The following E2F8 variants were observed in gnomAD, a reference collection of about 807,000 sequenced individuals.
E2F8 encodes the protein E2F transcription factor 8, also known as transcription factor E2F8.
In E2F8, 35 loss-of-function variants were observed where a neutral mutation model predicts 80.8. The observed-to-expected ratio is 0.43, with a 90% confidence interval of 0.33 to 0.57. The LOEUF is 0.57. Among genes scored for constraint, E2F8 ranks in the 20% least tolerant of loss-of-function variants. The pLI, the probability that E2F8 is intolerant of heterozygous loss-of-function variation, is 0.04. For synonymous variants in E2F8, 386 were observed against 395.0 expected, an observed-to-expected ratio of 0.98 and a Z score of 0.27; for missense variants, 975 against 1,056.2, an observed-to-expected ratio of 0.92 and a Z score of 1.07.
At chr11:19,235,414 C>T (rs1009088176) in intron 4 of E2F8, among the ~76,000 whole-genome samples, 1 of 152,072 alleles carries the variant, frequency 6.6e-6, no homozygotes, top group East Asian at 1.9e-4. Flanking sequence ...CTTGGGAGGC[C>T]GAGGAGGGCG....
intron 2 of E2F8, 105 bp from the exon 3 acceptor site, chr11:19,238,237 A>G: frequency 8.6e-7 from 1 of 1,164,728 alleles, no homozygotes; most frequent in Middle Eastern, 2.1e-4. Flanking sequence ...CAAGGAAAAA[A>G]TGTCTAATGA....
chr11:19,239,527 G>T (rs1851606572), intron 2 of E2F8, among the ~76,000 whole-genome samples: 1 of 151,878 alleles, frequency 6.6e-6, no homozygotes, highest in African/African-American at 2.4e-5. Flanking sequence ...CAAAATGTTT[G>T]CCCCCTAAAC....
intron 4 of E2F8, 108 bp from the exon 5 acceptor site, chr11:19,235,166 T>G (rs1427625305): frequency 1.0e-6 from 1 of 1,000,378 alleles, no homozygotes. Context: ...ATAATATCAC[T>G]TTCCTAACTG....
Position 19,234,552 on chromosome 11 carries a change from A to G in E2F8, c.767-31T>C. ...GAGAAGGATGAGGATTAGAGAATTAAAATTCATAAAGGGACAAGTGACTTC... is the reference window on the plus strand; with the variant it reads ...GAGAAGGATGAGGATTAGAGAATTAGAATTCATAAAGGGACAAGTGACTTC... On this transcript the variant is annotated intron_variant, in intron 5 of 12. Transcript: ENST00000250024. The G allele has an allele frequency of 1.2e-6, 2 of 1,605,000 alleles. 1 individual carries two copies. The highest frequency in any genetic ancestry group is 2.2e-5 in the South Asian group (2 of 89,074).
At chr11:19,234,612 C>A in intron 5 of E2F8, 91 bp from the exon 6 acceptor site, 1 of 1,550,866 alleles carries the variant, frequency 6.4e-7, no homozygotes, top group South Asian at 1.2e-5. Context: ...ACCACCTGAT[C>A]ATACAGCTGA....
Position 19,225,875 on chromosome 11 carries a change from A to T in E2F8, c.1894-11T>A. ...TGATGGGAACAAGGTCTAGAAAACA[A>T]GGAGGAAGGGTTTATTTTACACACA... On this transcript the variant is annotated splice_polypyrimidine_tract_variant and intron_variant, in intron 10 of 12. Coordinates refer to ENST00000250024, the MANE Select transcript of E2F8 (RefSeq NM_024680.4). 2 of 1,611,540 alleles carry T rather than the reference A, an allele frequency of 1.2e-6. No individual in the cohort carries two copies. The highest frequency in any genetic ancestry group is 1.7e-6 in the Non-Finnish European group (2 of 1,179,016).
In E2F8 at chr11:19,234,537, A is replaced by C. The variant is rs1400924895; in HGVS notation, c.767-16T>G. ...TTTACAGAAGCTTTAGAGAAGGATG[A>C]GGATTAGAGAATTAAAATTCATAAA... On this transcript the variant is annotated splice_polypyrimidine_tract_variant and intron_variant, in intron 5 of 12. Transcript: ENST00000250024. 1.2e-6 allele frequency: 2 copies of C among 1,606,108 alleles called. No homozygotes were observed. The highest frequency in any genetic ancestry group is 2.2e-5 in the East Asian group (1 of 44,852).
In E2F8 at chr11:19,229,765, T is replaced by G; in HGVS notation, c.1582A>C (p.Thr528Pro). 6.2e-7 allele frequency: 1 copy of G among 1,613,912 alleles called. No individual in the cohort carries two copies. The change falls in exon 10 of 13, where the codon ACT becomes CCT. Residue 528 changes from threonine to proline, a missense_variant. Thr to Pro is a conservative substitution (Grantham distance 38, BLOSUM62 -1). Coordinates refer to ENST00000250024, the MANE Select transcript of E2F8 (RefSeq NM_024680.4). This position sits in a 1 kb window ranked among gnomAD's most constrained non-coding sequence, Gnocchi z 4.3. ...GGCGTCACACTTTGGTGGGCTTGAG[T>G]GGGCTGCAGGTAGATGGCATAGGAT... ...GPSYAIYLQP[T>P]QAHQSVTPPQ...
chr11:19,229,319 T>C lies in E2F8; in HGVS notation c.1893+135A>G, dbSNP rs569885946. On this transcript the variant is annotated intron_variant, in intron 10 of 12. Transcript: ENST00000250024. This position sits in a 1 kb window ranked among gnomAD's most constrained non-coding sequence, Gnocchi z 4.3. ...GGGGATTAGCTGTTGAGGGCCTCAC[T>C]TGGATTATGGGATGCTAAGGAACAG... The C allele has an allele frequency of 8.0e-7, 1 of 1,257,554 alleles. No individual in the cohort carries two copies. The highest frequency in any genetic ancestry group is 1.5e-5 in the South Asian group (1 of 66,636). 77.9% of individuals were successfully genotyped at this position (1,257,554 alleles called of 1,614,324 possible).
chr11:19,229,720 T>A lies in E2F8; in HGVS notation c.1627A>T (p.Thr543Ser), dbSNP rs538244731. 6.2e-7 allele frequency: 1 copy of A among 1,614,168 alleles called. No homozygotes were observed. The highest frequency in any genetic ancestry group is 1.3e-5 in the African/African-American group (1 of 75,032). ...TTAGAAGAGTGGGTGGTGCACACCG[T>A]TGGGCTCAGGCCTTGGGGTGGCGTC... ...SVTPPQGLSP[T>S]VCTTHSSKAT... is the part of the protein sequence containing the mutation. The change falls in exon 10 of 13, where the codon ACG (threonine) becomes TCG (serine). Residue 543 changes from threonine (T) to serine (S), a missense_variant. Thr to Ser is a moderately conservative substitution (Grantham distance 58, BLOSUM62 1). Transcript: ENST00000250024. The surrounding 1 kb of genome is among the most constrained non-coding windows in gnomAD (Gnocchi z 4.3).
chr11:19,237,275 T>C (rs961693756), intron 4 of E2F8, 39 bp downstream of exon 4: 1 of 1,606,492 alleles, frequency 6.2e-7, no homozygotes, highest in East Asian at 2.2e-5. Context: ...AAAGCCACTT[T>C]AATTATTAAT....
intron 9 of E2F8, 41 bp from the exon 10 acceptor site, chr11:19,230,029 T>C (rs1851335230): frequency 6.2e-7 from 1 of 1,607,830 alleles, no homozygotes; most frequent in African/African-American, 1.3e-5. Flanking sequence ...TGGATATACA[T>C]TTTTTCTGAA....
intron 6 of E2F8, among the ~76,000 whole-genome samples, chr11:19,233,651 C>T (rs1851436421): frequency 6.6e-6 from 1 of 151,952 alleles, no homozygotes; most frequent in African/African-American, 2.4e-5. Context: ...CCACGCCCGG[C>T]TAATTTTTTT....
At chr11:19,227,096 C>T (rs556248193) in intron 10 of E2F8, among the ~76,000 whole-genome samples, 7 of 152,292 alleles carry the variant, frequency 4.6e-5, no homozygotes, top group East Asian at 3.9e-4. Context: ...AGCTAAAAAC[C>T]GCTCTTATAA....
chr11:19,227,139 T>C (rs1338100835), intron 10 of E2F8, among the ~76,000 whole-genome samples: 1 of 152,248 alleles, frequency 6.6e-6, no homozygotes, highest in Non-Finnish European at 1.5e-5. Flanking sequence ...CCTTCAGACC[T>C]TTCTTCTCTC....
rs142577138 is a variant in E2F8 at position 19,233,857 on chromosome 11, G to T, written c.928+503C>A. Among the ~76,000 whole-genome samples the T allele has an allele frequency of 2.9e-3, 434 of 151,668 alleles. 1 individual carries two copies. Among genetic ancestry groups the T allele is most frequent in the African/African-American group, 9.8e-3 (406 of 41,374 alleles). On this transcript the variant is annotated intron_variant, in intron 6 of 12. Coordinates refer to ENST00000250024, the MANE Select transcript of E2F8 (RefSeq NM_024680.4). ...GTGTCAAATAAGAGTAGTGATACTT[G>T]GCCAGGCGCAGTGGCTCAGGCCTGT...
At chr11:19,237,791 C>T in intron 3 of E2F8, 63 bp downstream of exon 3, 1 of 1,552,424 alleles carries the variant, frequency 6.4e-7, no homozygotes, top group East Asian at 2.3e-5. Flanking sequence ...TCTCTAATAG[C>T]TACAACCTCC....
Position 19,229,304 on chromosome 11 carries a change from T to C in E2F8, c.1893+150A>G. Reference sequence around the variant, plus strand: ...CCTTCATCCCAGCCAGGGGATTAGCTGTTGAGGGCCTCACTTGGATTATGG... The same window carrying C: ...CCTTCATCCCAGCCAGGGGATTAGCCGTTGAGGGCCTCACTTGGATTATGG... On this transcript the variant is annotated intron_variant, in intron 10 of 12. Transcript: ENST00000250024. The surrounding 1 kb of genome is among the most constrained non-coding windows in gnomAD (Gnocchi z 4.3). 2.9e-6 allele frequency: 3 copies of C among 1,041,662 alleles called. No individual in the cohort carries two copies. Among genetic ancestry groups the C allele is most frequent in the Non-Finnish European group, 4.2e-6 (3 of 717,806 alleles). 64.5% of individuals were successfully genotyped at this position (1,041,662 alleles called of 1,614,324 possible).
At chr11:19,225,989 G>T in intron 10 of E2F8, 125 bp from the exon 11 acceptor site, 1 of 1,155,776 alleles carries the variant, frequency 8.7e-7, no homozygotes, top group Non-Finnish European at 1.2e-6. Context: ...CAGCGGAGTG[G>T]GCTGCAGGCA....
Sources: gnomAD v4.1 joint callset for allele counts (sites outside exome capture counted in the v4.1 genomes callset) on GRCh38, gnomAD v4.1.1 for gene constraint, Gnocchi (gnomAD v3.1) non-coding constraint, MANE v1.5 for transcripts, NCBI Gene and HGNC (gene_info 2026-07-23, HGNC 2026-07-21) for gene names.